LRCH1: variants seen among roughly 807,000 people sequenced by gnomAD.
LRCH1 encodes the protein leucine rich repeats and calponin homology domain containing 1.
Under a neutral mutation model 94.9 loss-of-function variants are expected in LRCH1, and 23 were observed. That is an observed-to-expected ratio of 0.24 (90% CI 0.17 to 0.34). The LOEUF (loss-of-function observed/expected upper bound fraction) is 0.34, where lower values mean the gene tolerates loss of function less well. Ranked by LOEUF, LRCH1 falls within the 10% of genes least tolerant of loss-of-function variation. LRCH1 has a pLI of 1.00. For missense variants in LRCH1, 790 were observed against 945.9 expected (o/e 0.84, Z 2.16); for synonymous variants, 364 against 354.9 (o/e 1.03, Z -0.29).
chr13:46,640,282 C>T (rs1468238728), intron 1 of LRCH1, among the ~76,000 whole-genome samples: 1 of 152,238 alleles, frequency 6.6e-6, no homozygotes, highest in African/African-American at 2.4e-5. Context: ...GTGGCAGGCA[C>T]TGCTCTAAGG....
chr13:46,625,419 C>T (rs879506983), intron 1 of LRCH1, among the ~76,000 whole-genome samples: 5 of 152,134 alleles, frequency 3.3e-5, no homozygotes, highest in African/African-American at 7.2e-5. Context: ...GTGATTAGGT[C>T]GTGAGGGTGG....
At chr13:46,665,890 G>C (rs1393917382) in intron 2 of LRCH1, among the ~76,000 whole-genome samples, 2 of 152,206 alleles carry the variant, frequency 1.3e-5, no homozygotes, top group Admixed American at 1.3e-4. Flanking sequence ...CTGCTGCTGT[G>C]GTTGCTAGTG....
At position 46,679,342 on chromosome 13, in the gene LRCH1, AG is replaced by A. The variant is rs544535558; in HGVS notation, c.580-2398del. Among the ~76,000 whole-genome samples, 115 of 152,380 alleles carry A rather than the reference AG, an allele frequency of 7.5e-4. 2 individuals carry two copies. The highest frequency in any genetic ancestry group is 4.4e-3 in the Admixed American group (68 of 15,312). On this transcript the variant is annotated intron_variant, in intron 3 of 19. Transcript: ENST00000389797. Reference sequence around the variant, plus strand: ...CTTATTTGTAACTTAGTTAAGGCAAAGAAAGCTTTCATTGAAAGCATTTGAT... The same window carrying A: ...CTTATTTGTAACTTAGTTAAGGCAAAAAAGCTTTCATTGAAAGCATTTGAT...
chr13:46,640,309 C>A (rs764544452), intron 1 of LRCH1, among the ~76,000 whole-genome samples: 20 of 152,226 alleles, frequency 1.3e-4, no homozygotes, highest in Admixed American at 3.9e-4. Context: ...TATGTATCAT[C>A]CCATTCAGTC....
chr13:46,714,465 G>A (rs919397424), intron 15 of LRCH1, among the ~76,000 whole-genome samples: 22 of 152,108 alleles, frequency 1.4e-4, no homozygotes, highest in African/African-American at 5.1e-4. Context: ...ACTTTTGATC[G>A]AGTAGCTTTA....
At chr13:46,594,507 C>G (rs1291697210) in intron 1 of LRCH1, among the ~76,000 whole-genome samples, 1 of 151,914 alleles carries the variant, frequency 6.6e-6, no homozygotes, top group Non-Finnish European at 1.5e-5. Flanking sequence ...GCTTAGACCT[C>G]TAGCCACTGT....
At position 46,743,330 on chromosome 13, in the gene LRCH1, T is replaced by G. The variant is rs750685056; in HGVS notation, c.*1482T>G. On this transcript the variant is annotated 3_prime_UTR_variant, in exon 20 of 20. Coordinates refer to ENST00000389797, the MANE Select transcript of LRCH1 (RefSeq NM_001164211.2). The stretch of plus-strand genomic sequence containing the variant: ...TCCTTGCTGCTAAGTCAGATCAGAT[T>G]TGCTAACAGGAAGCATTCTTTACAT... 276 of 985,782 alleles carry G rather than the reference T, an allele frequency of 2.8e-4. 1 individual carries two copies. The highest frequency in any genetic ancestry group is 1.7e-3 in the Admixed American group (28 of 16,268). The allele number at this position is 985,782 out of a possible 1,614,324, so 61.1% of individuals were successfully genotyped here. A position where few individuals can be genotyped will look rare whatever the true frequency, so the allele number is the denominator to read the frequency against.
Position 46,699,376 on chromosome 13 carries a change from AG to A in LRCH1, c.1288del (p.Asp430MetfsTer9). The A allele has an allele frequency of 6.2e-7, 1 of 1,614,134 alleles. No individual in the cohort carries two copies. The highest frequency in any genetic ancestry group is 1.3e-5 in the African/African-American group (1 of 75,052). On this transcript the variant is annotated frameshift_variant, in exon 10 of 20. Coordinates refer to ENST00000389797, the MANE Select transcript of LRCH1 (RefSeq NM_001164211.2). LOFTEE classifies it high-confidence loss of function. ...EDCEELLRIE[E>X]DVHWQTEGII... ...TGTGAAGAGCTGTTACGGATAGAAG[AG>A]GATGTGCACTGGCAAACTGAGGGCA... is the stretch of plus-strand genomic sequence containing the variant.
intron 1 of LRCH1, among the ~76,000 whole-genome samples, chr13:46,583,247 C>G (rs2050393267): frequency 6.6e-6 from 1 of 152,218 alleles, no homozygotes; most frequent in Non-Finnish European, 1.5e-5. Context: ...TCATGTCCAT[C>G]CTCATTCAGG....
chr13:46,719,887 A>G (rs1223288161), intron 16 of LRCH1, among the ~76,000 whole-genome samples: 4 of 152,038 alleles, frequency 2.6e-5, no homozygotes, highest in Non-Finnish European at 4.4e-5. Context: ...AATCCCAGCT[A>G]TCTGGGGGGC....
At chr13:46,614,209 A>AT (rs1333510021) in intron 1 of LRCH1, among the ~76,000 whole-genome samples, 8 of 152,036 alleles carry the variant, frequency 5.3e-5, no homozygotes, top group Non-Finnish European at 8.8e-5. Context: ...GGTACTCTAG[A>AT]TTTTTTCATC....
exon 19 of LRCH1, chr13:46,750,653 C>T: frequency 6.5e-7 from 1 of 1,540,146 alleles, no homozygotes; most frequent in Non-Finnish European, 8.8e-7. Context: ...TCACATGAAA[C>T]TACCCCTTCT....
At chr13:46,680,553 A>G (rs1225214478) in intron 3 of LRCH1, among the ~76,000 whole-genome samples, 2 of 152,190 alleles carry the variant, frequency 1.3e-5, no homozygotes, top group African/African-American at 2.4e-5. Flanking sequence ...TTTAAAAATG[A>G]GTCAGTGGGA....
At chr13:46,740,188 G>A (rs1340199965) in intron 19 of LRCH1, among the ~76,000 whole-genome samples, 2 of 152,154 alleles carry the variant, frequency 1.3e-5, no homozygotes, top group African/African-American at 4.8e-5. Flanking sequence ...TCCATGAGCA[G>A]CATCAGTCTC....
At chr13:46,654,042 A>G (rs1399659503) in intron 2 of LRCH1, among the ~76,000 whole-genome samples, 4 of 152,218 alleles carry the variant, frequency 2.6e-5, no homozygotes, top group African/African-American at 9.6e-5. Flanking sequence ...TGCCTAAAAG[A>G]TTTATTAGTA....
intron 18 of LRCH1, among the ~76,000 whole-genome samples, chr13:46,731,865 A>G (rs1054862630): frequency 1.3e-4 from 19 of 151,720 alleles, no homozygotes; most frequent in African/African-American, 4.4e-4. Context: ...TTCCTTCTCT[A>G]TTTCAGCATT....
Position 46,741,558 on chromosome 13 carries a change from G to T in LRCH1, c.2086-84G>T, listed in dbSNP as rs1873653476. On this transcript the variant is annotated intron_variant, in intron 19 of 19. Coordinates refer to ENST00000389797, the MANE Select transcript of LRCH1 (RefSeq NM_001164211.2). ...CTGCCATTTGCTAGTAACCAAAAAT[G>T]TGTGCTTCTTTCTAGCTGTTCCTCC... 3 of 1,564,164 alleles carry T rather than the reference G, an allele frequency of 1.9e-6. 1 individual carries two copies. The African/African-American group carries it at 4.1e-5, about 21-fold the overall frequency.
chr13:46,621,078 T>TC (rs1479842385), intron 1 of LRCH1, among the ~76,000 whole-genome samples: 1 of 152,178 alleles, frequency 6.6e-6, no homozygotes, highest in Non-Finnish European at 1.5e-5. Flanking sequence ...ATGTTTGGGG[T>TC]CCCAAAGTAG....
At chr13:46,664,625 CGTT>C (rs1369086124) in intron 2 of LRCH1, among the ~76,000 whole-genome samples, 2 of 152,148 alleles carry the variant, frequency 1.3e-5, no homozygotes, top group East Asian at 1.9e-4. Flanking sequence ...AAGAAGGTAT[CGTT>C]GTCATTAAGC....
Sources: allele counts gnomAD v4.1 joint callset (sites outside exome capture counted in the v4.1 genomes callset), GRCh38; gene constraint gnomAD v4.1.1; transcripts MANE v1.5; gene names NCBI Gene and HGNC (gene_info 2026-07-23, HGNC 2026-07-21).